GFM1: variants seen among roughly 807,000 people sequenced by gnomAD.
GFM1 encodes G elongation factor mitochondrial 1.
Under a neutral mutation model 96.2 loss-of-function variants are expected in GFM1, and 62 were observed. The ratio of observed to expected loss-of-function variants is 0.64; its 90% CI spans 0.53 to 0.80. GFM1 has a LOEUF of 0.80. Ranked by LOEUF, GFM1 falls within the 30% of genes least tolerant of loss-of-function variation. The pLI, the probability that GFM1 is intolerant of heterozygous loss-of-function variation, is 0.00. For missense variants in GFM1, 852 were observed against 916.6 expected (o/e 0.93, Z 0.91); for synonymous variants, 282 against 312.9 (o/e 0.90, Z 1.04).
intron 14 of GFM1, among the ~76,000 whole-genome samples, chr3:158,684,262 A>G (rs1560144468): frequency 6.6e-6 from 1 of 152,120 alleles, no homozygotes; most frequent in East Asian, 1.9e-4. Flanking sequence ...CAGGCTTAAT[A>G]CCTGAGAGAT....
At position 158,644,708 on chromosome 3, in the gene GFM1, G is replaced by T; in HGVS notation, c.74G>T (p.Arg25Met). ...GCCCCCGCCTCCCTAGGCTGGCAGA[G>T]GAAGCAGGTACCGGAGCATAGAGAG... ...GRAPASLGWQ[R>M]KQVNWKACRW... is the part of the protein sequence containing the mutation. The change falls in exon 1 of 18, where the codon AGG (arginine) becomes ATG (methionine). Residue 25 changes from arginine to methionine, a missense_variant. Physicochemically the swap from Arg to Met is moderately conservative, Grantham distance 91. Coordinates refer to ENST00000486715, the MANE Select transcript of GFM1 (RefSeq NM_024996.7). 6.3e-7 allele frequency: 1 copy of T among 1,575,738 alleles called. No individual in the cohort carries two copies. Among genetic ancestry groups the T allele is most frequent in the Non-Finnish European group, 8.6e-7 (1 of 1,161,202 alleles).
Position 158,682,054 on chromosome 3 carries a change from G to A in GFM1, c.1661G>A (p.Gly554Asp). The A allele has an allele frequency of 6.2e-7, 1 of 1,613,374 alleles. No individual in the cohort carries two copies. Among genetic ancestry groups the A allele is most frequent in the Non-Finnish European group, 8.5e-7 (1 of 1,179,618 alleles). ...GCAGGCCAGTATGGAAAAGTAATAG[G>A]TGTCCTGGAGCCTCTGGACCCAGAG... ...GGAGQYGKVIGVLEPLDPEDY... is the reference protein window; with the variant it reads ...GGAGQYGKVIDVLEPLDPEDY... Residue 554 changes from glycine to aspartate, a missense_variant, in exon 14 of 18, where the codon GGT becomes GAT. Coordinates refer to ENST00000486715, the MANE Select transcript of GFM1 (RefSeq NM_024996.7).
intron 9 of GFM1, among the ~76,000 whole-genome samples, chr3:158,659,357 A>G (rs766473256): frequency 1.1e-4 from 16 of 152,258 alleles, no homozygotes; most frequent in Middle Eastern, 3.2e-3. Flanking sequence ...ACTTTCCTCA[A>G]GAACTATTAT....
At chr3:158,683,036 GAAAAA>G (rs1394390389) in intron 14 of GFM1, among the ~76,000 whole-genome samples, 1 of 96,000 alleles carries the variant, frequency 1.0e-5, no homozygotes, top group Non-Finnish European at 2.2e-5. Flanking sequence ...CTCCAAAATG[GAAAAA>G]AAAAAAAAAA....
intron 14 of GFM1, among the ~76,000 whole-genome samples, chr3:158,682,930 GAGGCTGAGA>G (rs1725533996): frequency 6.6e-6 from 1 of 151,934 alleles, no homozygotes; most frequent in African/African-American, 2.4e-5. Flanking sequence ...AGCTGCTCTG[GAGGCTGAGA>G]TGGGAGGATT....
At chr3:158,668,180 C>T (rs921068074) in intron 13 of GFM1, among the ~76,000 whole-genome samples, 1 of 152,148 alleles carries the variant, frequency 6.6e-6, no homozygotes, top group Non-Finnish European at 1.5e-5. Context: ...CCAAAATGCA[C>T]GGATGCCCAA....
chr3:158,689,868 G>C (rs2108116219), intron 15 of GFM1, among the ~76,000 whole-genome samples: 1 of 152,166 alleles, frequency 6.6e-6, no homozygotes, highest in South Asian at 2.1e-4. Context: ...AGATGGTAAA[G>C]GACTTCATCA....
intron 12 of GFM1, 41 bp from the exon 13 acceptor site, chr3:158,666,259 GTTTA>G (rs1560135783): frequency 6.3e-6 from 9 of 1,427,038 alleles, no homozygotes; most frequent in Non-Finnish European, 8.8e-6. Context: ...TTTTCTTTCG[GTTTA>G]TTTTTTTAAA....
chr3:158,652,041 TC>T, intron 5 of GFM1, 54 bp from the exon 6 acceptor site: 1 of 1,440,024 alleles, frequency 6.9e-7, no homozygotes, highest in South Asian at 1.1e-5. Context: ...TTTTCATTAG[TC>T]CTTCATATAT....
chr3:158,694,890 T>C lies in GFM1; in HGVS notation c.*3423T>C, dbSNP rs1406578337. ...TGTCTTAAGAAAGTTCTAAAGGTAT[T>C]AGGAAAATGAATGTCAAGCTGTATG... On this transcript the variant is annotated 3_prime_UTR_variant, in exon 18 of 18. Transcript: ENST00000486715. Among the ~76,000 whole-genome samples, 3 of 152,174 alleles carry C rather than the reference T, an allele frequency of 2.0e-5. No homozygotes were observed. Among genetic ancestry groups the C allele is most frequent in the Non-Finnish European group, 4.4e-5 (3 of 68,028 alleles).
At chr3:158,646,335 C>T (rs2108001991) in intron 3 of GFM1, 38 bp downstream of exon 3, 1 of 1,610,398 alleles carries the variant, frequency 6.2e-7, no homozygotes, top group South Asian at 1.1e-5. Flanking sequence ...GCTTCTTTGG[C>T]AAAAGCACAT....
intron 5 of GFM1, chr3:158,650,702 T>C (rs1251851601): frequency 6.6e-6 from 1 of 152,416 alleles, no homozygotes; most frequent in East Asian, 1.9e-4. Context: ...AAAAGCTTAC[T>C]TTTTGATATT....
At chr3:158,665,052 G>A (rs1390428769) in intron 11 of GFM1, among the ~76,000 whole-genome samples, 5 of 152,176 alleles carry the variant, frequency 3.3e-5, no homozygotes. Context: ...CAAAAGGACA[G>A]TGTGTCAATG....
At chr3:158,652,398 A>G in intron 6 of GFM1, 152 bp downstream of exon 6, 1 of 688,256 alleles carries the variant, frequency 1.5e-6, no homozygotes, top group Admixed American at 2.7e-5. Context: ...AAAATACTTG[A>G]CATGGTATAC....
intron 11 of GFM1, among the ~76,000 whole-genome samples, chr3:158,664,668 T>G (rs1723483391): frequency 6.6e-6 from 1 of 152,234 alleles, no homozygotes; most frequent in Non-Finnish European, 1.5e-5. Flanking sequence ...TTATGTTGTA[T>G]CCACCTAGAT....
At chr3:158,662,769 G>A (rs990384508) in intron 11 of GFM1, 85 bp downstream of exon 11, 2 of 828,150 alleles carry the variant, frequency 2.4e-6, no homozygotes, top group Non-Finnish European at 4.3e-6. Flanking sequence ...TTGATATCTT[G>A]TAATAACCAG....
At chr3:158,675,308 A>C (rs1183191926) in intron 13 of GFM1, among the ~76,000 whole-genome samples, 4 of 130,530 alleles carry the variant, frequency 3.1e-5, no homozygotes, top group African/African-American at 1.2e-4. Context: ...AAAAAAAAAA[A>C]AACAAGTTTT....
intron 9 of GFM1, 176 bp from the exon 10 acceptor site, chr3:158,660,696 ACG>A: frequency 1.6e-6 from 1 of 614,188 alleles, no homozygotes; most frequent in East Asian, 2.8e-5. Flanking sequence ...TTTTAAAAAT[ACG>A]TCTTAGCATG....
intron 15 of GFM1, among the ~76,000 whole-genome samples, chr3:158,686,397 T>TA (rs144411487): frequency 0.41 from 60,888 of 147,306 alleles, 13,700 homozygotes; most frequent in African/African-American, 0.6. Context: ...ATTTTATATA[T>TA]AAAAAAATAA....
Sources: allele counts gnomAD v4.1 joint callset (sites outside exome capture counted in the v4.1 genomes callset), GRCh38; gene constraint gnomAD v4.1.1; transcripts MANE v1.5; gene names NCBI Gene and HGNC (gene_info 2026-07-23, HGNC 2026-07-21).